The following THEMIS variants were observed in gnomAD, a reference collection of about 807,000 sequenced individuals.
The protein encoded by THEMIS is thymocyte selection associated.
In THEMIS, 37 loss-of-function variants were observed where a neutral mutation model predicts 52.6. The ratio of observed to expected loss-of-function variants is 0.70; its 90% confidence interval spans 0.54 to 0.93. The LOEUF is 0.93. THEMIS is among the 40% of genes least tolerant of loss of function. THEMIS has a pLI of 0.00. For synonymous variants in THEMIS, 292 were observed against 272.7 expected, an observed-to-expected ratio of 1.07 and a Z score of -0.70; for missense variants, 808 against 763.1, an observed-to-expected ratio of 1.06 and a Z score of -0.69.
chr6:127,743,941 G>A (rs574160941), intron 4 of THEMIS, among the ~76,000 whole-genome samples: 1 of 151,926 alleles, frequency 6.6e-6, no homozygotes, highest in South Asian at 2.1e-4. Context: ...AATGTTTTTT[G>A]TCTAGGAAAA....
intron 2 of THEMIS, 37 bp from the exon 3 acceptor site, chr6:127,829,971 T>G: frequency 6.7e-7 from 1 of 1,492,530 alleles, no homozygotes; most frequent in Non-Finnish European, 9.1e-7. Context: ...AAGAGAGTTC[T>G]TACAATGAAA....
chr6:127,837,604 G>A (rs929273575), intron 2 of THEMIS, among the ~76,000 whole-genome samples: 1 of 151,664 alleles, frequency 6.6e-6, no homozygotes, highest in African/African-American at 2.4e-5. Flanking sequence ...TGTGTGTGTA[G>A]TATGTGTATA....
At chr6:127,788,812 A>G (rs1777062300) in intron 4 of THEMIS, among the ~76,000 whole-genome samples, 2 of 152,216 alleles carry the variant, frequency 1.3e-5, no homozygotes, top group African/African-American at 2.4e-5. Flanking sequence ...TATTACATAA[A>G]TACAATGAAC....
chr6:127,733,526 C>T (rs2114533410), intron 4 of THEMIS, among the ~76,000 whole-genome samples: 1 of 152,302 alleles, frequency 6.6e-6, no homozygotes, highest in South Asian at 2.1e-4. Flanking sequence ...CAGAGACACT[C>T]AGTCTCTGGA....
chr6:127,811,770 A>C (rs368716891), intron 4 of THEMIS, among the ~76,000 whole-genome samples: 5 of 152,354 alleles, frequency 3.3e-5, no homozygotes, highest in Admixed American at 2.0e-4. Context: ...GATACCCTTC[A>C]AAACAATAGC....
At chr6:127,699,249 A>G in the THEMIS span, among the ~76,000 whole-genome samples, 1 of 151,584 alleles carries the variant, frequency 6.6e-6, no homozygotes, top group Non-Finnish European at 1.5e-5. Flanking sequence ...ACTACTTCAG[A>G]TCTTCTACTG....
At chr6:127,703,181 G>A (rs909223862), downstream of THEMIS, among the ~76,000 whole-genome samples, 12 of 149,818 alleles carry the variant, frequency 8.0e-5, no homozygotes, top group Non-Finnish European at 1.6e-4. Context: ...TCGAGTAGCT[G>A]GGACTACAGG....
At chr6:127,697,639 T>C in the THEMIS span, among the ~76,000 whole-genome samples, 2 of 152,172 alleles carry the variant, frequency 1.3e-5, no homozygotes, top group African/African-American at 4.8e-5. Context: ...ACTGAACATG[T>C]CATGTATGTT....
intron 2 of THEMIS, among the ~76,000 whole-genome samples, chr6:127,853,628 C>A (rs1779506625): frequency 6.6e-6 from 1 of 151,624 alleles, no homozygotes. Flanking sequence ...CCAACCTCAG[C>A]CCAATTAAAA....
chr6:127,739,298 A>G (rs999798157), intron 4 of THEMIS, among the ~76,000 whole-genome samples: 5 of 152,294 alleles, frequency 3.3e-5, no homozygotes, highest in African/African-American at 1.2e-4. Flanking sequence ...CAAGGAACAA[A>G]GAGTTGAGAG....
At chr6:127,722,194 C>A (rs1774385897) in intron 4 of THEMIS, among the ~76,000 whole-genome samples, 1 of 151,942 alleles carries the variant, frequency 6.6e-6, no homozygotes, top group Admixed American at 6.6e-5. Context: ...TCTTAAGCAA[C>A]CCCTGTCAGA....
chr6:127,915,093 C>T (rs1386901948), intron 1 of THEMIS, among the ~76,000 whole-genome samples: 1 of 152,016 alleles, frequency 6.6e-6, no homozygotes, highest in Non-Finnish European at 1.5e-5. Flanking sequence ...CATTTTTGTC[C>T]TATTTTTAGG....
chr6:127,885,476 T>TA (rs1039129886), intron 1 of THEMIS, among the ~76,000 whole-genome samples: 19 of 151,616 alleles, frequency 1.3e-4, no homozygotes, highest in South Asian at 4.2e-4. Context: ...TGATAAAAAA[T>TA]AAAAAAAACT....
chr6:127,743,828 T>C (rs986858930), intron 4 of THEMIS, among the ~76,000 whole-genome samples: 2 of 152,126 alleles, frequency 1.3e-5, no homozygotes, highest in African/African-American at 4.8e-5. Context: ...AAAAAGCAAG[T>C]CTGTTTTTCT....
At chr6:127,787,432 G>A (rs1426445670) in intron 4 of THEMIS, among the ~76,000 whole-genome samples, 3 of 152,126 alleles carry the variant, frequency 2.0e-5, no homozygotes, top group African/African-American at 7.2e-5. Context: ...CTGACACTCT[G>A]CTGCACCCAT....
intron 4 of THEMIS, among the ~76,000 whole-genome samples, chr6:127,745,380 T>C (rs1468052253): frequency 6.6e-6 from 1 of 151,866 alleles, no homozygotes; most frequent in African/African-American, 2.4e-5. Context: ...TTGTGGTGAA[T>C]TCATAAGGTA....
At chr6:127,826,294 CATTAAAATTATTTTTAA>C (rs1778504233) in intron 3 of THEMIS, among the ~76,000 whole-genome samples, 1 of 152,080 alleles carries the variant, frequency 6.6e-6, no homozygotes, top group African/African-American at 2.4e-5. Flanking sequence ...CTTTGATAAA[CATTAAAATTATTTTTAA>C]AAATTAAATG....
At chr6:127,910,488 C>T (rs997092126) in intron 1 of THEMIS, among the ~76,000 whole-genome samples, 1 of 152,110 alleles carries the variant, frequency 6.6e-6, no homozygotes, top group Non-Finnish European at 1.5e-5. Context: ...ATTCCCACAA[C>T]GTTATTTCCA....
chr6:127,901,031 C>T lies in THEMIS; in HGVS notation c.-99G>A. ...TTGCAGCCCCTGCTCACCATTTCTT[C>T]CTCAGGCAGGCAGGAATGTCACACT... On this transcript the variant is annotated 5_prime_UTR_variant, in exon 1 of 6. Transcript: ENST00000368248. The T allele has an allele frequency of 1.1e-6, 1 of 935,788 alleles. No individual in the cohort carries two copies. Among genetic ancestry groups the T allele is most frequent in the Admixed American group, 1.8e-5 (1 of 56,476 alleles). 58.0% of individuals were successfully genotyped at this position (935,788 alleles called of 1,614,324 possible).
Sources: allele counts gnomAD v4.1 joint callset (sites outside exome capture counted in the v4.1 genomes callset), GRCh38; gene constraint gnomAD v4.1.1; transcripts MANE v1.5; gene names NCBI Gene and HGNC (gene_info 2026-07-23, HGNC 2026-07-21).